PTPRA: variants seen among roughly 807,000 people sequenced by gnomAD.
PTPRA encodes protein tyrosine phosphatase receptor type A.
In PTPRA, 25 loss-of-function variants were observed where a neutral mutation model predicts 104.8. The observed-to-expected ratio is 0.24, with a 90% CI of 0.17 to 0.33. The LOEUF is 0.33. PTPRA is among the 10% of genes least tolerant of loss of function. The pLI is 1.00. For synonymous variants in PTPRA, 323 were observed against 368.9 expected, an observed-to-expected ratio of 0.88 and a Z score of 1.43; for missense variants, 765 against 1,015.3, an observed-to-expected ratio of 0.75 and a Z score of 3.35.
At chr20:3,016,073 TC>T (rs2064432332) in intron 12 of PTPRA, among the ~76,000 whole-genome samples, 188 bp downstream of exon 12, 2 of 152,188 alleles carry the variant, frequency 1.3e-5, no homozygotes, top group Non-Finnish European at 2.9e-5. Context: ...TGACTTAGTA[TC>T]CAGGGATCCA....
At chr20:2,991,595 G>GGT in intron 9 of PTPRA, among the ~76,000 whole-genome samples, 1 of 152,252 alleles carries the variant, frequency 6.6e-6, no homozygotes, top group South Asian at 2.1e-4. Flanking sequence ...TTGTTTGGAG[G>GGT]TAATATTCCC....
At chr20:2,905,364 A>C (rs2059386595) in intron 1 of PTPRA, among the ~76,000 whole-genome samples, 1 of 152,184 alleles carries the variant, frequency 6.6e-6, no homozygotes, top group Non-Finnish European at 1.5e-5. Context: ...TTCCTAAGAA[A>C]AGTTGAACAC....
intron 2 of PTPRA, among the ~76,000 whole-genome samples, chr20:2,940,035 A>G (rs967353257): frequency 1.2e-4 from 19 of 152,358 alleles, no homozygotes; most frequent in African/African-American, 4.1e-4. Flanking sequence ...GTTTGAACCC[A>G]GGAGGTGGAG....
chr20:2,976,142 C>T (rs1454873089), intron 6 of PTPRA, among the ~76,000 whole-genome samples: 1 of 152,132 alleles, frequency 6.6e-6, no homozygotes, highest in African/African-American at 2.4e-5. Context: ...GAGGTGTTAC[C>T]ATACTGTGTA....
chr20:2,964,806 G>A (rs532722558), intron 4 of PTPRA, 55 bp from the exon 5 acceptor site: 5 of 1,469,846 alleles, frequency 3.4e-6, no homozygotes, highest in East Asian at 4.5e-5. Flanking sequence ...GTGTCTCACA[G>A]CTTTTTAGCC....
chr20:2,974,112 G>A (rs771291649), intron 5 of PTPRA, among the ~76,000 whole-genome samples: 95 of 150,996 alleles, frequency 6.3e-4, no homozygotes, highest in African/African-American at 2.2e-3. Context: ...CACCACGCCT[G>A]GCTAATTTTT....
chr20:3,019,771 C>T (rs1351846987), intron 13 of PTPRA, among the ~76,000 whole-genome samples: 1 of 152,182 alleles, frequency 6.6e-6, no homozygotes, highest in Non-Finnish European at 1.5e-5. Flanking sequence ...CACTGCACTC[C>T]AGCCTGGGCA....
chr20:2,864,494 C>T, the PTPRA span: 1 of 1,613,944 alleles, frequency 6.2e-7, no homozygotes, highest in African/African-American at 1.3e-5. This position sits in a 1 kb window ranked among gnomAD's most constrained non-coding sequence, Gnocchi z 5.2. Context: ...GTGGTGTAGC[C>T]TTCTGAGCAC....
intron 1 of PTPRA, among the ~76,000 whole-genome samples, chr20:2,883,891 A>G (rs2090218260): frequency 6.6e-6 from 1 of 152,110 alleles, no homozygotes; most frequent in Non-Finnish European, 1.5e-5. Context: ...CATTAGCCTC[A>G]CTTCCCATTC....
At chr20:2,944,988 T>C (rs1260106223) in intron 2 of PTPRA, among the ~76,000 whole-genome samples, 1 of 152,228 alleles carries the variant, frequency 6.6e-6, no homozygotes, top group African/African-American at 2.4e-5. Flanking sequence ...TGAAATTACA[T>C]GTAGGTTAGA....
At chr20:2,976,707 T>C (rs534587279) in intron 6 of PTPRA, among the ~76,000 whole-genome samples, 4 of 152,252 alleles carry the variant, frequency 2.6e-5, no homozygotes, top group Non-Finnish European at 5.9e-5. Context: ...AGTATTGCTA[T>C]AAATTTGGAT....
chr20:2,910,578 GTTTT>G (rs1245304127), intron 1 of PTPRA, among the ~76,000 whole-genome samples: 23 of 32,426 alleles, frequency 7.1e-4, no homozygotes, highest in African/African-American at 3.7e-3. Context: ...TGCCCAGCTA[GTTTT>G]TTTTTTGTTT....
At chr20:2,971,588 G>C (rs993964830) in intron 5 of PTPRA, among the ~76,000 whole-genome samples, 1 of 152,158 alleles carries the variant, frequency 6.6e-6, no homozygotes, top group African/African-American at 2.4e-5. Flanking sequence ...AAGTTAAGCA[G>C]CTGGTAAATG....
the PTPRA span, chr20:2,866,201 T>C: frequency 6.2e-7 from 1 of 1,613,874 alleles, no homozygotes; most frequent in Admixed American, 1.7e-5. Flanking sequence ...ACCCGCTTCC[T>C]CTCCTCCAAG....
At chr20:2,966,069 CAT>C (rs2061934468) in intron 5 of PTPRA, among the ~76,000 whole-genome samples, 3 of 152,202 alleles carry the variant, frequency 2.0e-5, no homozygotes, top group South Asian at 4.1e-4. Flanking sequence ...ACATCTCGCT[CAT>C]GTGGAACATT....
chr20:2,943,206 T>C (rs1339626502), intron 2 of PTPRA, among the ~76,000 whole-genome samples: 19 of 97,140 alleles, frequency 2.0e-4, no homozygotes, highest in African/African-American at 6.0e-4. Flanking sequence ...TTGGAACATA[T>C]CCCCCCACCC....
rs77093394 is a variant in PTPRA, at chr20:2,989,723, G to A, written c.738+1249G>A. Among the ~76,000 whole-genome samples the A allele has an allele frequency of 7.4e-3, 1,128 of 152,158 alleles. 4 individuals carry two copies. The highest frequency in any genetic ancestry group is 0.041 in the Middle Eastern group (12 of 294). On this transcript the variant is annotated intron_variant, in intron 9 of 23. Transcript: ENST00000399903. ...CATAGAGCAGCCAGATTTACATCTT[G>A]AAAAAATGACTCAGCTGGGCACGGT...
rs2059012484 is a variant in PTPRA at position 2,896,644 on chromosome 20, A to G, written c.-129+22884A>G. ...GGGTGTGTTTCCTGAAAACAAGGAT[A>G]CTCTCCTATAAAATCAGGAAATAAA... On this transcript the variant is annotated intron_variant, in intron 1 of 23. Transcript: ENST00000399903. 3.3e-5 allele frequency among the ~76,000 whole-genome samples: 5 copies of G among 152,268 alleles called. No homozygotes were observed. The South Asian group carries it at 1.0e-3, about 32-fold the overall frequency.
chr20:2,912,432 T>TG (rs1322797074), intron 1 of PTPRA, among the ~76,000 whole-genome samples: 1 of 151,938 alleles, frequency 6.6e-6, no homozygotes, highest in Non-Finnish European at 1.5e-5. Context: ...AAGACCAGCC[T>TG]GGGCAACGTG....
Sources: gnomAD v4.1 joint callset for allele counts (sites outside exome capture counted in the v4.1 genomes callset) on GRCh38, gnomAD v4.1.1 for gene constraint, Gnocchi (gnomAD v3.1) non-coding constraint, MANE v1.5 for transcripts, NCBI Gene and HGNC (gene_info 2026-07-23, HGNC 2026-07-21) for gene names.